The following GRB14 variants were observed in gnomAD, a reference collection of about 807,000 sequenced individuals.
GRB14 encodes growth factor receptor-bound protein 14.
In GRB14, 38 loss-of-function variants were observed where a neutral mutation model predicts 69.1. The ratio of observed to expected loss-of-function variants is 0.55; its 90% CI spans 0.42 to 0.72. The LOEUF (loss-of-function observed/expected upper bound fraction) is 0.72. Among genes scored for constraint, GRB14 ranks in the 30% least tolerant of loss-of-function variants. The pLI, the probability that GRB14 is intolerant of heterozygous loss-of-function variation, is 0.00. For missense variants in GRB14, 666 were observed against 666.1 expected, an observed-to-expected ratio of 1.00 and a Z score of 0.00; for synonymous variants, 247 against 241.3, an observed-to-expected ratio of 1.02 and a Z score of -0.22.
intron 2 of GRB14, among the ~76,000 whole-genome samples, chr2:164,610,911 CAA>C (rs375922623): frequency 7.9e-6 from 1 of 126,772 alleles, no homozygotes; most frequent in Admixed American, 8.2e-5. Context: ...TTAGGCTGGT[CAA>C]AAAAAAAAAA....
intron 2 of GRB14, among the ~76,000 whole-genome samples, chr2:164,591,851 A>G (rs1231350270): frequency 2.0e-5 from 3 of 152,152 alleles, no homozygotes; most frequent in Non-Finnish European, 4.4e-5. Flanking sequence ...TGTAGCTACC[A>G]TAATTCCCTT....
chr2:164,496,968 C>T, intron 12 of GRB14, 40 bp downstream of exon 12: 1 of 1,468,294 alleles, frequency 6.8e-7, no homozygotes, highest in Admixed American at 1.7e-5. Flanking sequence ...TAGGAGAAAT[C>T]CAATTCACAA....
chr2:164,518,471 A>G (rs910733247), intron 6 of GRB14, among the ~76,000 whole-genome samples: 7 of 152,210 alleles, frequency 4.6e-5, no homozygotes, highest in Admixed American at 4.6e-4. Flanking sequence ...TAGAGAAACA[A>G]GAATAAACCA....
At chr2:164,586,896 A>G (rs899616270) in intron 2 of GRB14, among the ~76,000 whole-genome samples, 4 of 152,310 alleles carry the variant, frequency 2.6e-5, no homozygotes, top group South Asian at 2.1e-4. Context: ...TGAAAACCAC[A>G]AGGCTGACAT....
chr2:164,591,412 C>G (rs568915965), intron 2 of GRB14, among the ~76,000 whole-genome samples: 1 of 152,218 alleles, frequency 6.6e-6, no homozygotes, highest in Admixed American at 6.5e-5. Flanking sequence ...TGTAGAGGTG[C>G]CTGTAATTAG....
chr2:164,517,106 G>C (rs1687511966), intron 6 of GRB14, among the ~76,000 whole-genome samples: 1 of 152,110 alleles, frequency 6.6e-6, no homozygotes, highest in African/African-American at 2.4e-5. Context: ...AGGTTTAAGG[G>C]ACTCACAGTT....
At chr2:164,598,283 T>G (rs10171103) in intron 2 of GRB14, among the ~76,000 whole-genome samples, 23,657 of 152,208 alleles carry the variant, frequency 0.16, 1,999 homozygotes, top group African/African-American at 0.18. Flanking sequence ...CTTCAAGTAC[T>G]ATACTTTAGG....
chr2:164,580,635 T>C (rs1383359214), intron 2 of GRB14, among the ~76,000 whole-genome samples: 1 of 149,878 alleles, frequency 6.7e-6, no homozygotes, highest in Non-Finnish European at 1.5e-5. Flanking sequence ...ACCCGAGAGG[T>C]GGAGGTTGCA....
At chr2:164,588,762 T>A (rs897695387) in intron 2 of GRB14, among the ~76,000 whole-genome samples, 2 of 152,238 alleles carry the variant, frequency 1.3e-5, no homozygotes, top group African/African-American at 4.8e-5. Flanking sequence ...CTGTATCTAT[T>A]TGACAGTTTA....
chr2:164,600,214 G>A lies in GRB14; in HGVS notation c.324+19473C>T, dbSNP rs527933437. ...TGATCTACTTCAGCAACCACTTTAG[G>A]AGTCATAGAGAAAGGGCAATTCCCG... On this transcript the variant is annotated intron_variant, in intron 2 of 13. Transcript: ENST00000263915. Among the ~76,000 whole-genome samples, 18 of 152,216 alleles carry A rather than the reference G, an allele frequency of 1.2e-4. 2 individuals are homozygous for A. In the South Asian group the frequency reaches 3.7e-3, roughly 32 times the overall value.
chr2:164,538,992 G>A lies in GRB14; in HGVS notation c.481+8668C>T, dbSNP rs567366180. ...ATGTAGAGTGAGACAGAGGCAAACC[G>A]ACCGCAGAATCTCAGGAACATTTGC... On this transcript the variant is annotated intron_variant, in intron 3 of 13. Coordinates refer to ENST00000263915, the MANE Select transcript of GRB14 (RefSeq NM_004490.3). 3.3e-5 allele frequency among the ~76,000 whole-genome samples: 5 copies of A among 152,180 alleles called. 1 individual carries two copies. The highest frequency in any genetic ancestry group is 4.1e-4 in the South Asian group (2 of 4,820).
At chr2:164,514,680 A>G (rs2105274142) in intron 6 of GRB14, among the ~76,000 whole-genome samples, 1 of 152,184 alleles carries the variant, frequency 6.6e-6, no homozygotes, top group East Asian at 1.9e-4. Context: ...CAACTGACTC[A>G]TTGTTTCCTA....
chr2:164,551,900 C>T (rs1360705292), intron 2 of GRB14, among the ~76,000 whole-genome samples: 1 of 152,160 alleles, frequency 6.6e-6, no homozygotes. Context: ...TTATTCGGCT[C>T]ATGGTTCTGC....
chr2:164,578,442 A>C (rs964292721), intron 2 of GRB14, among the ~76,000 whole-genome samples: 2 of 152,012 alleles, frequency 1.3e-5, no homozygotes, highest in African/African-American at 4.8e-5. Flanking sequence ...AAATACAGAA[A>C]GCATTCTTTA....
At chr2:164,496,232 A>G (rs1347988507) in intron 12 of GRB14, among the ~76,000 whole-genome samples, 1 of 152,160 alleles carries the variant, frequency 6.6e-6, no homozygotes, top group East Asian at 1.9e-4. Flanking sequence ...TCCCATCACC[A>G]CTTGTTTAAA....
intron 2 of GRB14, among the ~76,000 whole-genome samples, chr2:164,569,784 A>G (rs1330597621): frequency 6.6e-6 from 1 of 152,198 alleles, no homozygotes; most frequent in African/African-American, 2.4e-5. Context: ...CTTAATATAA[A>G]AAGTCACAGA....
At chr2:164,602,917 A>G (rs1386501761) in intron 2 of GRB14, among the ~76,000 whole-genome samples, 1 of 152,204 alleles carries the variant, frequency 6.6e-6, no homozygotes, top group East Asian at 1.9e-4. Context: ...ATTAAGGAAA[A>G]GAGATATGCA....
intron 2 of GRB14, among the ~76,000 whole-genome samples, chr2:164,579,278 T>G (rs900581611): frequency 6.6e-5 from 10 of 152,044 alleles, no homozygotes; most frequent in Non-Finnish European, 1.2e-4. Context: ...TCACCAAACT[T>G]CTAAATAAAG....
At position 164,619,835 on chromosome 2, in the gene GRB14, A is replaced by G; in HGVS notation, c.192-16T>C. ...CTTTTTTCTCCTACAGTAAGAGAAC[A>G]TAGGATGTAATTTACATAAAACAGA... On this transcript the variant is annotated splice_polypyrimidine_tract_variant and intron_variant, in intron 1 of 13. Coordinates refer to ENST00000263915, the MANE Select transcript of GRB14 (RefSeq NM_004490.3). 1 of 1,589,358 alleles carries G rather than the reference A, an allele frequency of 6.3e-7. No homozygotes were observed. The highest frequency in any genetic ancestry group is 8.6e-7 in the Non-Finnish European group (1 of 1,165,214).
Sources: allele counts gnomAD v4.1 joint callset (sites outside exome capture counted in the v4.1 genomes callset), GRCh38; gene constraint gnomAD v4.1.1; transcripts MANE v1.5; gene names NCBI Gene and HGNC (gene_info 2026-07-23, HGNC 2026-07-21).